Variants in PRKCI observed in about 807,000 individuals in gnomAD.
PRKCI encodes protein kinase C iota, also known as protein kinase C iota type.
PRKCI carries 43 observed loss-of-function variants against 84.0 expected under a neutral mutation model. The ratio of observed to expected loss-of-function variants is 0.51; its 90% CI spans 0.40 to 0.66. The LOEUF is 0.66. Ranked by LOEUF, PRKCI falls within the 30% of genes least tolerant of loss-of-function variation. PRKCI has a pLI of 0.00. For synonymous variants in PRKCI, 216 were observed against 234.4 expected (o/e 0.92, Z 0.72); for missense variants, 459 against 745.6 (o/e 0.62, Z 4.48).
chr3:170,252,537 G>A (rs1212582114), intron 2 of PRKCI, among the ~76,000 whole-genome samples: 2 of 150,538 alleles, frequency 1.3e-5, no homozygotes, highest in African/African-American at 4.9e-5. Context: ...AATAAATTTT[G>A]TTGACTGTAA....
intron 12 of PRKCI, among the ~76,000 whole-genome samples, chr3:170,288,073 G>A (rs1050671235): frequency 6.6e-5 from 10 of 151,162 alleles, no homozygotes; most frequent in Admixed American, 2.0e-4. Context: ...GTGAAACCCC[G>A]TCTCTACTAA....
chr3:170,229,628 A>G (rs576030499), intron 1 of PRKCI, among the ~76,000 whole-genome samples: 1 of 152,324 alleles, frequency 6.6e-6, no homozygotes, highest in South Asian at 2.1e-4. Context: ...TTTCGGATTG[A>G]TGAACATTTA....
chr3:170,292,602 A>G (rs960265056), intron 13 of PRKCI, among the ~76,000 whole-genome samples: 8 of 152,090 alleles, frequency 5.3e-5, no homozygotes, highest in Admixed American at 5.2e-4. Flanking sequence ...GATCAAGTTT[A>G]AGACCAAGGA....
intron 14 of PRKCI, among the ~76,000 whole-genome samples, chr3:170,295,552 T>G (rs1436112702): frequency 6.6e-6 from 1 of 151,640 alleles, no homozygotes; most frequent in African/African-American, 2.4e-5. Flanking sequence ...GGCACACGCC[T>G]GTAATCCCAG....
At chr3:170,230,342 G>GT in intron 1 of PRKCI, among the ~76,000 whole-genome samples, 1 of 151,584 alleles carries the variant, frequency 6.6e-6, no homozygotes, top group East Asian at 1.9e-4. Flanking sequence ...ATTTTTGTTT[G>GT]TTTTTTGAGA....
chr3:170,222,580 C>T lies in PRKCI; in HGVS notation c.-90C>T. The T allele has an allele frequency of 2.5e-6, 3 of 1,179,900 alleles. No individual in the cohort carries two copies. Among genetic ancestry groups the T allele is most frequent in the African/African-American group, 1.6e-5 (1 of 62,324 alleles). The allele number at this position is 1,179,900 out of a possible 1,614,324, so 73.1% of individuals were successfully genotyped here. On this transcript the variant is annotated 5_prime_UTR_variant, in exon 1 of 18. Coordinates refer to ENST00000295797, the MANE Select transcript of PRKCI (RefSeq NM_002740.6). ...TAGGTGGGCGGACGGCCGCGGTTCT[C>T]CGGCAAGCGCAGGCGGCGGAGTCCC... is the stretch of plus-strand genomic sequence containing the variant.
chr3:170,302,186 C>T (rs1272703829), intron 17 of PRKCI, among the ~76,000 whole-genome samples: 1 of 152,200 alleles, frequency 6.6e-6, no homozygotes, highest in Non-Finnish European at 1.5e-5. Context: ...CATCATCTAA[C>T]ACACTTCTAT....
intron 1 of PRKCI, among the ~76,000 whole-genome samples, chr3:170,226,370 A>G (rs958822796): frequency 3.3e-4 from 50 of 152,194 alleles, no homozygotes; most frequent in African/African-American, 1.1e-3. Context: ...ACCTAGTGCT[A>G]GTAGTTTGGA....
chr3:170,292,363 C>G (rs947807466), intron 13 of PRKCI, among the ~76,000 whole-genome samples: 1 of 152,142 alleles, frequency 6.6e-6, no homozygotes, highest in Non-Finnish European at 1.5e-5. Flanking sequence ...TCATGAACCC[C>G]TGGAAAATTT....
chr3:170,285,714 A>G (rs1734365116), intron 12 of PRKCI, among the ~76,000 whole-genome samples: 2 of 151,418 alleles, frequency 1.3e-5, no homozygotes, highest in African/African-American at 4.8e-5. Flanking sequence ...ATTCAACCGT[A>G]CTTTTCACAT....
intron 4 of PRKCI, among the ~76,000 whole-genome samples, chr3:170,267,646 C>A (rs959682430): frequency 7.2e-6 from 1 of 138,116 alleles, no homozygotes; most frequent in Admixed American, 7.7e-5. Context: ...GCACTCCAGC[C>A]TGGGTGACAG....
intron 8 of PRKCI, among the ~76,000 whole-genome samples, chr3:170,276,291 T>C (rs1050466751): frequency 1.3e-5 from 2 of 152,092 alleles, no homozygotes; most frequent in African/African-American, 4.8e-5. Context: ...AGCCCTTGTA[T>C]CTATTGTTAG....
At chr3:170,293,267 G>A (rs544233520) in intron 13 of PRKCI, 116 bp from the exon 14 acceptor site, 204 of 938,658 alleles carry the variant, frequency 2.2e-4, no homozygotes, top group Non-Finnish European at 3.0e-4. Context: ...TAGTTGGAAT[G>A]CATTTAGAGT....
chr3:170,236,503 G>A (rs1309721806), intron 2 of PRKCI, among the ~76,000 whole-genome samples: 1 of 152,194 alleles, frequency 6.6e-6, no homozygotes, highest in Non-Finnish European at 1.5e-5. Flanking sequence ...ATTGTGGAAT[G>A]AAAGTGATTT....
chr3:170,291,536 A>G (rs1256058871), intron 12 of PRKCI: 2 of 230,224 alleles, frequency 8.7e-6, no homozygotes, highest in African/African-American at 4.5e-5. Flanking sequence ...GTCTCTACTA[A>G]AAATACAAAA....
chr3:170,248,242 G>T (rs184862649), intron 2 of PRKCI, among the ~76,000 whole-genome samples: 1 of 152,118 alleles, frequency 6.6e-6, no homozygotes, highest in Admixed American at 6.5e-5. Flanking sequence ...ATCCTGTCAG[G>T]TTATCTCATA....
At chr3:170,269,975 GAAA>G (rs1733959089) in intron 5 of PRKCI, among the ~76,000 whole-genome samples, 1 of 151,382 alleles carries the variant, frequency 6.6e-6, no homozygotes, top group Non-Finnish European at 1.5e-5. Flanking sequence ...AAAAAAGAAA[GAAA>G]AGAAGAAGAA....
Position 170,238,464 on chromosome 3 carries a change from C to CTT in PRKCI, c.223+3125_223+3126dup, listed in dbSNP as rs34392317. On this transcript the variant is annotated intron_variant, in intron 2 of 17. Coordinates refer to ENST00000295797, the MANE Select transcript of PRKCI (RefSeq NM_002740.6). ...GTGTACTTCAATTTGCATCATTACT[C>CTT]TTTTTTTTTTTTTAGTACTGCATAG... 8.3e-5 allele frequency among the ~76,000 whole-genome samples: 12 copies of CTT among 144,170 alleles called. 1 individual carries two copies. The highest frequency in any genetic ancestry group is 6.6e-4 in the South Asian group (3 of 4,568). 94.6% of individuals were successfully genotyped at this position (144,170 alleles called of 152,430 possible).
intron 4 of PRKCI, among the ~76,000 whole-genome samples, chr3:170,264,454 C>T (rs1383060692): frequency 4.6e-5 from 7 of 151,846 alleles, no homozygotes; most frequent in Admixed American, 4.6e-4. Context: ...TATTTTTGTA[C>T]TTTTAGTAGA....
Sources: allele counts gnomAD v4.1 joint callset (sites outside exome capture counted in the v4.1 genomes callset), GRCh38; gene constraint gnomAD v4.1.1; transcripts MANE v1.5; gene names NCBI Gene and HGNC (gene_info 2026-07-23, HGNC 2026-07-21).